NTM: variants seen among roughly 807,000 people sequenced by gnomAD.
NTM encodes the protein neurotrimin.
Under a neutral mutation model 42.1 loss-of-function variants are expected in NTM, and 13 were observed. The observed-to-expected ratio is 0.31, with a 90% CI of 0.20 to 0.49. The LOEUF is 0.49. NTM is among the 20% of genes least tolerant of loss of function. NTM has a pLI of 0.99. For synonymous variants in NTM, 187 were observed against 179.2 expected, an observed-to-expected ratio of 1.04 and a Z score of -0.35; for missense variants, 373 against 452.8, an observed-to-expected ratio of 0.82 and a Z score of 1.60.
chr11:131,588,285 C>G (rs2059058271), intron 1 of NTM, among the ~76,000 whole-genome samples: 2 of 152,352 alleles, frequency 1.3e-5, no homozygotes, highest in African/African-American at 4.8e-5. Context: ...CTGGCCACCC[C>G]CAGTGAGCAA....
rs553543218 is a variant in NTM at position 132,263,357 on chromosome 11, T to C, written c.527-44332T>C. Among the ~76,000 whole-genome samples, 4 of 152,356 alleles carry C rather than the reference T, an allele frequency of 2.6e-5. 1 individual carries two copies. The highest frequency in any genetic ancestry group is 2.6e-4 in the Admixed American group (4 of 15,312). ...TTGAAGAATTGCACACATTCATAGC[T>C]GAGTAGTTCTAGGTAAAATCCAAGA... On this transcript the variant is annotated intron_variant, in intron 4 of 8. Transcript: ENST00000683400.
intron 2 of NTM, among the ~76,000 whole-genome samples, chr11:132,040,208 G>A (rs934329554): frequency 6.6e-6 from 1 of 152,084 alleles, no homozygotes; most frequent in Non-Finnish European, 1.5e-5. Flanking sequence ...GATTCCACCC[G>A]CCTCTGCCTC....
intron 2 of NTM, among the ~76,000 whole-genome samples, chr11:131,977,002 C>G (rs2064493532): frequency 6.7e-6 from 1 of 148,760 alleles, no homozygotes; most frequent in Admixed American, 6.6e-5. Flanking sequence ...CTCATGAGCA[C>G]AGGGGTGACC....
At chr11:131,486,588 A>G (rs1232681060) in intron 1 of NTM, among the ~76,000 whole-genome samples, 2 of 152,214 alleles carry the variant, frequency 1.3e-5, no homozygotes, top group Admixed American at 1.3e-4. Context: ...GTCAGGAATA[A>G]GCAGGGATGT....
chr11:131,707,879 A>G (rs2076742986), intron 1 of NTM, among the ~76,000 whole-genome samples: 1 of 152,174 alleles, frequency 6.6e-6, no homozygotes. Context: ...GCCCACTGCC[A>G]CCACTTCTAC....
intron 1 of NTM, among the ~76,000 whole-genome samples, chr11:131,725,819 G>T (rs981530133): frequency 5.9e-5 from 9 of 152,194 alleles, no homozygotes; most frequent in South Asian, 2.1e-4. Flanking sequence ...TCTGGTTTGC[G>T]TGATGGCTCT....
At chr11:132,186,214 C>T (rs899514763) in intron 3 of NTM, among the ~76,000 whole-genome samples, 7 of 152,174 alleles carry the variant, frequency 4.6e-5, no homozygotes, top group East Asian at 1.9e-4. Flanking sequence ...TGGGACTTCC[C>T]AGCAGGAGCC....
chr11:132,019,376 CTTGTGG>C (rs1213474862), intron 2 of NTM, among the ~76,000 whole-genome samples: 55 of 152,040 alleles, frequency 3.6e-4, no homozygotes, highest in African/African-American at 1.3e-3. Flanking sequence ...TTGCTCAAGA[CTTGTGG>C]TTCTGTTGTT....
At position 132,090,194 on chromosome 11, in the gene NTM, T is replaced by C. The variant is rs567871563; in HGVS notation, c.168-56088T>C. ...CAGGTATTCTGACTCTAGCAGAAGG[T>C]GAGCACTTAAACCATGGGCTATATG... On this transcript the variant is annotated intron_variant, in intron 2 of 8. Transcript: ENST00000683400. Among the ~76,000 whole-genome samples the C allele has an allele frequency of 7.9e-5, 12 of 152,292 alleles. No individual in the cohort carries two copies. The South Asian group carries it at 2.3e-3, about 29-fold the overall frequency.
intron 2 of NTM, among the ~76,000 whole-genome samples, chr11:132,048,077 A>G (rs747940952): frequency 6.6e-6 from 1 of 151,564 alleles, no homozygotes; most frequent in Non-Finnish European, 1.5e-5. Flanking sequence ...CTGCTTAGCT[A>G]TGTTTAAACT....
intron 1 of NTM, among the ~76,000 whole-genome samples, chr11:131,448,162 C>T (rs369299325): frequency 1.7e-4 from 26 of 152,326 alleles, no homozygotes; most frequent in African/African-American, 6.0e-4. Flanking sequence ...CTGGGCTACA[C>T]GAGGAAGGAG....
At chr11:131,702,560 AG>A (rs2076181850) in intron 1 of NTM, among the ~76,000 whole-genome samples, 1 of 152,150 alleles carries the variant, frequency 6.6e-6, no homozygotes, top group Admixed American at 6.5e-5. Context: ...GAGCATGGAG[AG>A]GTGCATCATG....
At chr11:132,190,316 T>C (rs1298261368) in intron 3 of NTM, among the ~76,000 whole-genome samples, 1 of 152,134 alleles carries the variant, frequency 6.6e-6, no homozygotes, top group Non-Finnish European at 1.5e-5. Context: ...GGAAGGGCAC[T>C]GAGAAGGGGA....
At chr11:132,291,317 C>T (rs1484273812) in intron 4 of NTM, among the ~76,000 whole-genome samples, 1 of 151,698 alleles carries the variant, frequency 6.6e-6, no homozygotes, top group Non-Finnish European at 1.5e-5. Flanking sequence ...ATTCAGGAAG[C>T]GTTAAGTACT....
At chr11:131,703,538 A>T (rs2076278730) in intron 1 of NTM, among the ~76,000 whole-genome samples, 1 of 152,232 alleles carries the variant, frequency 6.6e-6, no homozygotes, top group African/African-American at 2.4e-5. Context: ...ATTTAAAAAC[A>T]GTTATGTCAA....
At chr11:132,167,707 A>G (rs1279347655) in intron 3 of NTM, among the ~76,000 whole-genome samples, 1 of 152,248 alleles carries the variant, frequency 6.6e-6, no homozygotes, top group Non-Finnish European at 1.5e-5. Context: ...TATTATACAT[A>G]GTAGTCATTC....
In NTM at chr11:131,414,503, C is replaced by T. The variant is rs377760830; in HGVS notation, c.82+43615C>T. Reference sequence around the variant, plus strand: ...GCAGCAGGTCCGGGACTGCCACTTCCATCAGACAGGTTCTTTCTGAAGTTC... The same window carrying T: ...GCAGCAGGTCCGGGACTGCCACTTCTATCAGACAGGTTCTTTCTGAAGTTC... On this transcript the variant is annotated intron_variant, in intron 1 of 8. Coordinates refer to ENST00000683400, the MANE Select transcript of NTM (RefSeq NM_001352005.2). Among the ~76,000 whole-genome samples the T allele has an allele frequency of 8.5e-5, 13 of 152,298 alleles. No individual in the cohort carries two copies. The East Asian group carries it at 2.5e-3, about 29-fold the overall frequency.
At chr11:131,631,781 C>T (rs956581753) in intron 1 of NTM, among the ~76,000 whole-genome samples, 5 of 151,970 alleles carry the variant, frequency 3.3e-5, no homozygotes, top group African/African-American at 1.2e-4. Context: ...GAATGTCTGC[C>T]CTGTATCTTT....
intron 3 of NTM, among the ~76,000 whole-genome samples, chr11:132,208,792 C>G (rs111378087): frequency 6.6e-6 from 1 of 152,236 alleles, no homozygotes; most frequent in Non-Finnish European, 1.5e-5. Flanking sequence ...CTAAATCACC[C>G]TGTGTTCACA....
Sources: allele counts gnomAD v4.1 joint callset (sites outside exome capture counted in the v4.1 genomes callset), GRCh38; gene constraint gnomAD v4.1.1; transcripts MANE v1.5; gene names NCBI Gene and HGNC (gene_info 2026-07-23, HGNC 2026-07-21).